PRDM16: variants seen among roughly 807,000 people sequenced by gnomAD.
PRDM16 encodes the protein histone-lysine N-methyltransferase PRDM16.
Under a neutral mutation model 110.6 loss-of-function variants are expected in PRDM16, and 23 were observed. The ratio of observed to expected loss-of-function variants is 0.21; its 90% confidence interval spans 0.15 to 0.29. The LOEUF is 0.29. Ranked by LOEUF, PRDM16 falls within the 10% of genes least tolerant of loss-of-function variation. PRDM16 has a pLI of 1.00. For missense variants in PRDM16, 1,615 were observed against 1,794.3 expected (o/e 0.90, Z 1.81); for synonymous variants, 799 against 781.8 (o/e 1.02, Z -0.37).
At chr1:3,156,851 C>T (rs911110215) in intron 1 of PRDM16, among the ~76,000 whole-genome samples, 1 of 152,192 alleles carries the variant, frequency 6.6e-6, no homozygotes, top group African/African-American at 2.4e-5. Context: ...CTGTCTGAGC[C>T]TCTGCACCAA....
intron 1 of PRDM16, among the ~76,000 whole-genome samples, chr1:3,093,458 T>A (rs1410723633): frequency 1.3e-5 from 2 of 152,184 alleles, no homozygotes; most frequent in Non-Finnish European, 2.9e-5. Flanking sequence ...ATTGACTGTT[T>A]CTCCAGACTT....
Position 3,175,639 on chromosome 1 carries a change from G to A in PRDM16, c.38-10486G>A, listed in dbSNP as rs149340521. Among the ~76,000 whole-genome samples, 24 of 152,264 alleles carry A rather than the reference G, an allele frequency of 1.6e-4. No homozygotes were observed. Among genetic ancestry groups the A allele is most frequent in the African/African-American group, 4.6e-4 (19 of 41,534 alleles). The stretch of plus-strand genomic sequence containing the variant: ...AGCCTCAGGTGGAAGCTGCAGTCCC[G>A]TGGAGCCAGGCACAGCTCCGGCCAA... On this transcript the variant is annotated intron_variant, in intron 1 of 16. Transcript: ENST00000270722. This position sits in a 1 kb window ranked among gnomAD's most constrained non-coding sequence, Gnocchi z 4.8.
In PRDM16 at chr1:3,143,689, C is replaced by G. The variant is rs971296511; in HGVS notation, c.38-42436C>G. Among the ~76,000 whole-genome samples, 1 of 152,114 alleles carries G rather than the reference C, an allele frequency of 6.6e-6. No homozygotes were observed. The highest frequency in any genetic ancestry group is 2.4e-5 in the African/African-American group (1 of 41,424). ...ATGGGGTTTCATCATTGTGGTCAGG[C>G]CAGTCTTGAACTCCTGACCTCAGGT... On this transcript the variant is annotated intron_variant, in intron 1 of 16. Transcript: ENST00000270722. The surrounding 1 kb of genome is among the most constrained non-coding windows in gnomAD (Gnocchi z 4.5).
In PRDM16 at chr1:3,358,016, C is replaced by T. The variant is rs941856601; in HGVS notation, c.439-27136C>T. ...TTGCTGTGCCCTTCACTGACATGCT[C>T]GCCCATGAGCTGAGTCTGCCTTGAC... is the stretch of plus-strand genomic sequence containing the variant. On this transcript the variant is annotated intron_variant, in intron 3 of 16. Coordinates refer to ENST00000270722, the MANE Select transcript of PRDM16 (RefSeq NM_022114.4). This position sits in a 1 kb window ranked among gnomAD's most constrained non-coding sequence, Gnocchi z 4.0. Among the ~76,000 whole-genome samples, 2 of 152,234 alleles carry T rather than the reference C, an allele frequency of 1.3e-5. No homozygotes were observed. The highest frequency in any genetic ancestry group is 2.9e-5 in the Non-Finnish European group (2 of 68,048).
rs548477694 is a variant in PRDM16 at position 3,294,724 on chromosome 1, A to G, written c.438+50587A>G. Among the ~76,000 whole-genome samples, 4 of 152,270 alleles carry G rather than the reference A, an allele frequency of 2.6e-5. No homozygotes were observed. In the South Asian group the frequency reaches 8.3e-4, roughly 32 times the overall value. On this transcript the variant is annotated intron_variant, in intron 3 of 16. Transcript: ENST00000270722. ...GTTGAGCATTGACAAAGTCACCTCC[A>G]TTCTCCTCCAAGAAAAGCCCACGAG...
chr1:3,210,387 C>G (rs1445149857), intron 2 of PRDM16, among the ~76,000 whole-genome samples: 5 of 152,230 alleles, frequency 3.3e-5, no homozygotes, highest in Non-Finnish European at 2.9e-5. Flanking sequence ...CCCTCAGATT[C>G]AGGAAGGAGC....
chr1:3,244,265 C>A lies in PRDM16; in HGVS notation c.438+128C>A. On this transcript the variant is annotated intron_variant, in intron 3 of 16. Transcript: ENST00000270722. The surrounding 1 kb of genome is among the most constrained non-coding windows in gnomAD (Gnocchi z 4.1). ...CGGAATGTTGCTGGCAGGCCCCGAG[C>A]AATGTGTTATCTGTGGACTGACGTG... 2.4e-6 allele frequency: 2 copies of A among 848,932 alleles called. No homozygotes were observed. The highest frequency in any genetic ancestry group is 1.4e-5 in the South Asian group (1 of 69,336). 52.6% of individuals were successfully genotyped at this position (848,932 alleles called of 1,614,324 possible).
chr1:3,165,726 C>T (rs1485819316), intron 1 of PRDM16, among the ~76,000 whole-genome samples: 3 of 71,868 alleles, frequency 4.2e-5, no homozygotes, highest in African/African-American at 2.1e-4. Flanking sequence ...GACAGTGACT[C>T]ACCTGGGCTC....
At chr1:3,411,120 TAC>T (rs569774351) in intron 8 of PRDM16, among the ~76,000 whole-genome samples, 195 of 152,146 alleles carry the variant, frequency 1.3e-3, no homozygotes, top group Non-Finnish European at 2.1e-3. Flanking sequence ...GCTTGCAGAA[TAC>T]ACACACGCCT....
Position 3,265,916 on chromosome 1 carries a change from T to C in PRDM16, c.438+21779T>C, listed in dbSNP as rs1640278187. Among the ~76,000 whole-genome samples the C allele has an allele frequency of 6.6e-6, 1 of 152,030 alleles. No homozygotes were observed. Among genetic ancestry groups the C allele is most frequent in the Non-Finnish European group, 1.5e-5 (1 of 67,996 alleles). On this transcript the variant is annotated intron_variant, in intron 3 of 16. Coordinates refer to ENST00000270722, the MANE Select transcript of PRDM16 (RefSeq NM_022114.4). The surrounding 1 kb of genome is among the most constrained non-coding windows in gnomAD (Gnocchi z 4.5). Reference sequence around the variant, plus strand: ...GCTCCGCACTGCTCCCCAGGGTTCCTTGGTGCGTGTCTCATAAAGCCCAGG... The same window carrying C: ...GCTCCGCACTGCTCCCCAGGGTTCCCTGGTGCGTGTCTCATAAAGCCCAGG...
chr1:3,189,740 C>A (rs563721596), intron 2 of PRDM16, among the ~76,000 whole-genome samples: 1 of 152,324 alleles, frequency 6.6e-6, no homozygotes, highest in East Asian at 1.9e-4. Flanking sequence ...ACTCTGAGCT[C>A]AGAAGTGGGA....
intron 3 of PRDM16, among the ~76,000 whole-genome samples, chr1:3,355,288 A>G (rs1169731584): frequency 6.6e-6 from 1 of 152,160 alleles, no homozygotes; most frequent in Non-Finnish European, 1.5e-5. Flanking sequence ...TCAGGTACAA[A>G]GTGAGAAGGG....
intron 1 of PRDM16, among the ~76,000 whole-genome samples, chr1:3,114,171 ACACGCACACACACGCACACACGCACACG>A (rs1642864258): frequency 3.1e-5 from 3 of 97,346 alleles, no homozygotes; most frequent in Non-Finnish European, 4.4e-5. Flanking sequence ...ACACGCACAC[ACACGCACACACACGCACACACGCACACG>A]CACGCACACA....
rs114038135 is a variant in PRDM16 at position 3,266,675 on chromosome 1, A to T, written c.438+22538A>T. Among the ~76,000 whole-genome samples the T allele has an allele frequency of 8.1e-3, 1,225 of 152,042 alleles. 20 individuals carry two copies. Among genetic ancestry groups the T allele is most frequent in the African/African-American group, 0.028 (1,148 of 41,460 alleles). ...ACGGTGGGGCATGCATTTTATTTTT[A>T]TTTATTTATTTATGTTTGAGACGGA... On this transcript the variant is annotated intron_variant, in intron 3 of 16. Transcript: ENST00000270722.
chr1:3,378,956 C>T (rs1428500025), intron 3 of PRDM16, among the ~76,000 whole-genome samples: 1 of 151,972 alleles, frequency 6.6e-6, no homozygotes, highest in African/African-American at 2.4e-5. Flanking sequence ...GCTGGACCCT[C>T]CATGCTGGGA....
chr1:3,085,001 T>C (rs1468375470), intron 1 of PRDM16, among the ~76,000 whole-genome samples: 4 of 152,178 alleles, frequency 2.6e-5, no homozygotes, highest in Non-Finnish European at 5.9e-5. Flanking sequence ...TTCCAGCAGC[T>C]GGGATGGTTT....
At chr1:3,073,391 T>C (rs1280406822) in intron 1 of PRDM16, among the ~76,000 whole-genome samples, 1 of 152,232 alleles carries the variant, frequency 6.6e-6, no homozygotes, top group Admixed American at 6.5e-5. Context: ...TATCCGGGAT[T>C]AAAAATCTTT....
In PRDM16 at chr1:3,359,920, G is replaced by A. The variant is rs543299079; in HGVS notation, c.439-25232G>A. On this transcript the variant is annotated intron_variant, in intron 3 of 16. Transcript: ENST00000270722. This position sits in a 1 kb window ranked among gnomAD's most constrained non-coding sequence, Gnocchi z 4.3. ...CGGATGCCGTGTGCACGCAAAGACG[G>A]CAGCCAGCTCCTCACAGAAGGCCGC... 1.2e-4 allele frequency among the ~76,000 whole-genome samples: 18 copies of A among 152,354 alleles called. No individual in the cohort carries two copies. Among genetic ancestry groups the A allele is most frequent in the African/African-American group, 3.8e-4 (16 of 41,590 alleles).
intron 3 of PRDM16, among the ~76,000 whole-genome samples, chr1:3,323,528 G>A (rs1641811291): frequency 6.6e-6 from 1 of 152,356 alleles, no homozygotes; most frequent in East Asian, 1.9e-4. Context: ...CGGGGAGACA[G>A]CGGAGGGAGG....
Sources: allele counts gnomAD v4.1 joint callset (sites outside exome capture counted in the v4.1 genomes callset), GRCh38; gene constraint gnomAD v4.1.1; non-coding constraint Gnocchi (gnomAD v3.1); transcripts MANE v1.5; gene names NCBI Gene and HGNC (gene_info 2026-07-23, HGNC 2026-07-21).